Variants in PRKG1 observed in about 807,000 individuals in gnomAD.
The protein encoded by PRKG1 is cGMP-dependent protein kinase 1.
PRKG1 carries 35 observed loss-of-function variants against 88.1 expected under a neutral mutation model. That is an observed-to-expected ratio of 0.40 (90% CI 0.30 to 0.53). PRKG1 has a LOEUF of 0.53. Ranked by LOEUF, PRKG1 falls within the 20% of genes least tolerant of loss-of-function variation. The probability of loss-of-function intolerance (pLI) is 0.59; values close to 1 mark genes in which losing one functional copy is unlikely to be tolerated. For missense variants in PRKG1, 540 were observed against 839.8 expected, an observed-to-expected ratio of 0.64 and a Z score of 4.41; for synonymous variants, 303 against 292.5, an observed-to-expected ratio of 1.04 and a Z score of -0.37.
chr10:51,895,722 C>T (rs1349742964), intron 4 of PRKG1, among the ~76,000 whole-genome samples: 1 of 151,998 alleles, frequency 6.6e-6, no homozygotes, highest in African/African-American at 2.4e-5. Context: ...GGTTTTTGGT[C>T]AATACTAGAA....
intron 2 of PRKG1, among the ~76,000 whole-genome samples, chr10:51,282,354 G>GTT (rs1201369071): frequency 3.9e-5 from 6 of 151,942 alleles, no homozygotes; most frequent in African/African-American, 1.2e-4. Context: ...AAACATTTTG[G>GTT]TTATATATAT....
chr10:52,045,804 C>CT (rs1845850105), intron 5 of PRKG1, among the ~76,000 whole-genome samples: 1 of 151,998 alleles, frequency 6.6e-6, no homozygotes, highest in Non-Finnish European at 1.5e-5. Flanking sequence ...AATGGAGGGA[C>CT]ACACTTCATT....
At chr10:51,388,638 TCTC>T (rs1333872051) in intron 2 of PRKG1, among the ~76,000 whole-genome samples, 1 of 152,212 alleles carries the variant, frequency 6.6e-6, no homozygotes, top group Non-Finnish European at 1.5e-5. Context: ...CCAATTAAAT[TCTC>T]CTAACACTCA....
intron 2 of PRKG1, chr10:51,320,595 C>T (rs1344947911): frequency 6.6e-6 from 1 of 152,302 alleles, no homozygotes; most frequent in East Asian, 1.9e-4. Flanking sequence ...TCCAGAACCA[C>T]CAAAACATAA....
chr10:51,553,732 C>T (rs1025032964), intron 3 of PRKG1, among the ~76,000 whole-genome samples: 6 of 137,076 alleles, frequency 4.4e-5, no homozygotes, highest in African/African-American at 1.0e-4. Context: ...ATATTAGATA[C>T]GTGTATATAA....
intron 5 of PRKG1, among the ~76,000 whole-genome samples, chr10:51,941,645 G>A (rs908006828): frequency 3.9e-5 from 5 of 129,328 alleles, no homozygotes; most frequent in African/African-American, 5.9e-5. Context: ...GATGTTCCCC[G>A]TCCTGTGTCC....
intron 3 of PRKG1, among the ~76,000 whole-genome samples, chr10:51,703,846 G>A (rs1683988174): frequency 6.6e-6 from 1 of 152,028 alleles, no homozygotes. Flanking sequence ...TTATAAGATT[G>A]CAATCATAGT....
intron 5 of PRKG1, among the ~76,000 whole-genome samples, chr10:51,942,223 C>T (rs1314754522): frequency 7.9e-5 from 12 of 151,252 alleles, no homozygotes; most frequent in African/African-American, 1.2e-4. Flanking sequence ...CATTTTTTCA[C>T]GTGTTTTTTG....
chr10:51,201,309 G>T (rs146441312), intron 2 of PRKG1, among the ~76,000 whole-genome samples: 1 of 151,934 alleles, frequency 6.6e-6, no homozygotes, highest in African/African-American at 2.4e-5. Flanking sequence ...TAAGTTAGCC[G>T]GGCGTGGTGG....
intron 2 of PRKG1, among the ~76,000 whole-genome samples, chr10:51,426,946 A>G (rs1838605571): frequency 6.6e-6 from 1 of 151,568 alleles, no homozygotes. Context: ...CTTACTTTTC[A>G]TTTCTTCCTG....
chr10:51,848,091 A>G (rs1230246604), intron 4 of PRKG1, among the ~76,000 whole-genome samples: 5 of 152,124 alleles, frequency 3.3e-5, no homozygotes, highest in Admixed American at 6.6e-5. Context: ...ACTCCCTAAC[A>G]TAACAATAGG....
At chr10:51,032,147 C>A (rs1447756349) in intron 1 of PRKG1, among the ~76,000 whole-genome samples, 1 of 152,094 alleles carries the variant, frequency 6.6e-6, no homozygotes, top group African/African-American at 2.4e-5. Flanking sequence ...TGCCAGTGTC[C>A]TTGGAACTCA....
chr10:52,251,103 C>T (rs1410398674), intron 9 of PRKG1, among the ~76,000 whole-genome samples: 1 of 152,034 alleles, frequency 6.6e-6, no homozygotes, highest in Non-Finnish European at 1.5e-5. Flanking sequence ...GATCTTGCCG[C>T]TTTTAATAAA....
intron 1 of PRKG1, among the ~76,000 whole-genome samples, chr10:51,089,902 C>T (rs968277212): frequency 1.3e-5 from 2 of 152,194 alleles, no homozygotes; most frequent in South Asian, 2.1e-4. Flanking sequence ...ATTCTTCACA[C>T]TCTGTGGGCA....
chr10:51,058,923 T>G (rs182157136), intron 1 of PRKG1, among the ~76,000 whole-genome samples: 119 of 152,324 alleles, frequency 7.8e-4, no homozygotes, highest in Middle Eastern at 6.8e-3. Context: ...ACTATATTTA[T>G]GTAGTGTCAC....
At chr10:51,703,454 T>C (rs974706272) in intron 3 of PRKG1, among the ~76,000 whole-genome samples, 5 of 152,204 alleles carry the variant, frequency 3.3e-5, no homozygotes, top group African/African-American at 1.2e-4. Context: ...TTGTTTTTCT[T>C]TGGATATAAA....
At chr10:51,022,357 T>C (rs1843150023) in intron 1 of PRKG1, among the ~76,000 whole-genome samples, 1 of 152,212 alleles carries the variant, frequency 6.6e-6, no homozygotes, top group South Asian at 2.1e-4. Context: ...AACACTTCAT[T>C]TCTTGACATC....
intron 3 of PRKG1, among the ~76,000 whole-genome samples, chr10:51,560,899 C>T (rs1030656345): frequency 1.3e-5 from 2 of 151,788 alleles, no homozygotes; most frequent in Admixed American, 6.6e-5. Context: ...TTTATTTAGA[C>T]TTTAATGTAC....
intron 3 of PRKG1, among the ~76,000 whole-genome samples, chr10:51,559,226 A>G (rs1488737775): frequency 6.6e-6 from 1 of 152,068 alleles, no homozygotes; most frequent in Non-Finnish European, 1.5e-5. Context: ...TGGAAAGCAC[A>G]GCATGTATTA....
Sources: gnomAD v4.1 joint callset for allele counts (sites outside exome capture counted in the v4.1 genomes callset) on GRCh38, gnomAD v4.1.1 for gene constraint, MANE v1.5 for transcripts, NCBI Gene and HGNC (gene_info 2026-07-23, HGNC 2026-07-21) for gene names.